The following PTPRN2 variants were observed in gnomAD, a reference collection of about 807,000 sequenced individuals.
The protein encoded by PTPRN2 is protein tyrosine phosphatase receptor type N2.
Under a neutral mutation model 118.8 loss-of-function variants are expected in PTPRN2, and 74 were observed. The observed-to-expected ratio is 0.62, with a 90% CI of 0.52 to 0.76. The LOEUF is 0.76. Ranked by LOEUF, PTPRN2 falls within the 30% of genes least tolerant of loss-of-function variation. The probability of loss-of-function intolerance (pLI) is 0.00; values close to 1 mark genes in which losing one functional copy is unlikely to be tolerated. For synonymous variants in PTPRN2, 641 were observed against 608.0 expected (o/e 1.05, Z -0.80); for missense variants, 1,481 against 1,394.4 (o/e 1.06, Z -0.99).
chr7:158,097,260 G>C (rs1429329519), intron 10 of PTPRN2, among the ~76,000 whole-genome samples: 2 of 152,066 alleles, frequency 1.3e-5, no homozygotes, highest in African/African-American at 2.4e-5. Flanking sequence ...GGAGGGGCCC[G>C]GGCAGCACTG....
At chr7:157,824,077 A>G (rs926153970) in intron 12 of PTPRN2, among the ~76,000 whole-genome samples, 3 of 152,148 alleles carry the variant, frequency 2.0e-5, no homozygotes, top group Non-Finnish European at 4.4e-5. Context: ...TCGCTCTGCC[A>G]TCAGTAACAA....
intron 16 of PTPRN2, among the ~76,000 whole-genome samples, chr7:157,597,422 C>T (rs1801406600): frequency 6.6e-6 from 1 of 151,222 alleles, no homozygotes; most frequent in Non-Finnish European, 1.5e-5. Flanking sequence ...CCTGTCTCTT[C>T]CTTGCAAATA....
chr7:157,723,482 A>G (rs191791100), intron 12 of PTPRN2, among the ~76,000 whole-genome samples: 329 of 151,902 alleles, frequency 2.2e-3, no homozygotes, highest in African/African-American at 7.7e-3. Context: ...CCCTCTCCCC[A>G]CACCAGCATG....
intron 1 of PTPRN2, among the ~76,000 whole-genome samples, chr7:158,543,671 C>T (rs1405049181): frequency 2.6e-5 from 4 of 152,198 alleles, no homozygotes; most frequent in African/African-American, 9.7e-5. Context: ...TGTGAGGCCT[C>T]GTTGAACATG....
At chr7:157,743,389 C>A in intron 12 of PTPRN2, among the ~76,000 whole-genome samples, 1 of 152,306 alleles carries the variant, frequency 6.6e-6, no homozygotes, top group East Asian at 1.9e-4. Context: ...AGCCTGCAAT[C>A]GGTGCGGCGG....
At chr7:157,968,569 C>T (rs1164607071) in intron 11 of PTPRN2, among the ~76,000 whole-genome samples, 1 of 152,204 alleles carries the variant, frequency 6.6e-6, no homozygotes, top group Non-Finnish European at 1.5e-5. Context: ...GCTGGAGCCG[C>T]ATGTCTGCGA....
In PTPRN2 at chr7:158,022,756, C is replaced by T. The variant is rs890876765; in HGVS notation, c.1723+58542G>A. ...GCCCACGCCAGAAGGCTTTCCCCCA[C>T]GGAGGCTTCCGCCATGAGTCTGGAA... On this transcript the variant is annotated intron_variant, in intron 11 of 22. Transcript: ENST00000389418. The surrounding 1 kb of genome is among the most constrained non-coding windows in gnomAD (Gnocchi z 4.6). Among the ~76,000 whole-genome samples the T allele has an allele frequency of 4.6e-5, 7 of 152,290 alleles. No individual in the cohort carries two copies. The highest frequency in any genetic ancestry group is 9.6e-5 in the African/African-American group (4 of 41,488).
intron 11 of PTPRN2, among the ~76,000 whole-genome samples, chr7:157,979,776 G>T (rs541773860): frequency 6.6e-6 from 1 of 152,154 alleles, no homozygotes; most frequent in Non-Finnish European, 1.5e-5. Context: ...TTTATGACTC[G>T]CATCCGTTGC....
At position 157,624,359 on chromosome 7, in the gene PTPRN2, T is replaced by C. The variant is rs183570628; in HGVS notation, c.2197-2850A>G. On this transcript the variant is annotated intron_variant, in intron 14 of 22. Coordinates refer to ENST00000389418, the MANE Select transcript of PTPRN2 (RefSeq NM_002847.5). ...TCGCTTGAACCTGGGAAGCGGATGT[T>C]GCAGTGAACCGAGATCGCATCATTG... 1.9e-3 allele frequency among the ~76,000 whole-genome samples: 291 copies of C among 151,914 alleles called. 2 individuals are homozygous for C. Among genetic ancestry groups the C allele is most frequent in the African/African-American group, 6.5e-3 (271 of 41,424 alleles).
At chr7:157,970,376 G>A (rs1291265456) in intron 11 of PTPRN2, among the ~76,000 whole-genome samples, 6 of 152,190 alleles carry the variant, frequency 3.9e-5, no homozygotes, top group Admixed American at 6.5e-5. Context: ...AGAACCGGGG[G>A]ACAGAGACAG....
chr7:157,879,566 G>A (rs999889402), intron 12 of PTPRN2, among the ~76,000 whole-genome samples: 3 of 152,186 alleles, frequency 2.0e-5, no homozygotes, highest in African/African-American at 7.2e-5. Context: ...CAGTAGCTGG[G>A]AGTTAACCGG....
At position 157,764,094 on chromosome 7, in the gene PTPRN2, G is replaced by A. The variant is rs1380966451; in HGVS notation, c.1789-81157C>T. Among the ~76,000 whole-genome samples the A allele has an allele frequency of 2.0e-5, 3 of 152,132 alleles. No individual in the cohort carries two copies. Among genetic ancestry groups the A allele is most frequent in the Non-Finnish European group, 2.9e-5 (2 of 68,020 alleles). Reference sequence around the variant, plus strand: ...CTAAACACACACACACAACAAAAACGTGCTGGCGAGAATGCTGAGGAATCG... The same window carrying A: ...CTAAACACACACACACAACAAAAACATGCTGGCGAGAATGCTGAGGAATCG... On this transcript the variant is annotated intron_variant, in intron 12 of 22. Transcript: ENST00000389418. The surrounding 1 kb of genome is among the most constrained non-coding windows in gnomAD (Gnocchi z 4.5).
intron 3 of PTPRN2, among the ~76,000 whole-genome samples, chr7:158,264,809 G>C (rs946650798): frequency 6.6e-6 from 1 of 152,222 alleles, no homozygotes; most frequent in African/African-American, 2.4e-5. Flanking sequence ...TAGGGTTCCA[G>C]AACAGCGATG....
At chr7:158,281,174 A>C (rs1799400240) in intron 3 of PTPRN2, among the ~76,000 whole-genome samples, 1 of 152,178 alleles carries the variant, frequency 6.6e-6, no homozygotes. Flanking sequence ...TTATAATCCC[A>C]GCTGCTTGGG....
At chr7:157,998,264 T>C (rs888060646) in intron 11 of PTPRN2, among the ~76,000 whole-genome samples, 1 of 152,124 alleles carries the variant, frequency 6.6e-6, no homozygotes, top group Non-Finnish European at 1.5e-5. Context: ...ACCAAATAAT[T>C]AATTTGTACT....
chr7:158,017,907 C>T (rs917704329), intron 11 of PTPRN2, among the ~76,000 whole-genome samples: 2 of 152,118 alleles, frequency 1.3e-5, no homozygotes, highest in African/African-American at 2.4e-5. Flanking sequence ...CAGTCAGCCC[C>T]GGGAGTTCCA....
At chr7:157,806,356 ATG>A (rs1380289552) in intron 12 of PTPRN2, among the ~76,000 whole-genome samples, 3 of 152,222 alleles carry the variant, frequency 2.0e-5, no homozygotes, top group African/African-American at 7.2e-5. Context: ...ATGTGTATAT[ATG>A]TATATCTACA....
At chr7:157,656,970 C>CCA (rs1301367820) in intron 13 of PTPRN2, among the ~76,000 whole-genome samples, 2 of 120,818 alleles carry the variant, frequency 1.7e-5, no homozygotes, top group Non-Finnish European at 1.7e-5. Context: ...CACACATACA[C>CCA]CACACACACC....
At chr7:157,568,799 G>T in intron 21 of PTPRN2, 103 bp downstream of exon 21, 1 of 1,218,366 alleles carries the variant, frequency 8.2e-7, no homozygotes, top group Non-Finnish European at 1.2e-6. Flanking sequence ...ACAACAAGCA[G>T]CGAATTTTTT....
Sources: gnomAD v4.1 joint callset for allele counts (sites outside exome capture counted in the v4.1 genomes callset) on GRCh38, gnomAD v4.1.1 for gene constraint, Gnocchi (gnomAD v3.1) non-coding constraint, MANE v1.5 for transcripts, NCBI Gene and HGNC (gene_info 2026-07-23, HGNC 2026-07-21) for gene names.